ARHGEF10L: variants seen among roughly 807,000 people sequenced by gnomAD.
The protein encoded by ARHGEF10L is rho guanine nucleotide exchange factor 10-like protein.
Under a neutral mutation model 141.2 loss-of-function variants are expected in ARHGEF10L, and 69 were observed. The ratio of observed to expected loss-of-function variants is 0.49; its 90% CI spans 0.40 to 0.60. The LOEUF is 0.60. Among genes scored for constraint, ARHGEF10L ranks in the 20% least tolerant of loss-of-function variants. The probability of loss-of-function intolerance (pLI) is 0.00; values close to 1 mark genes in which losing one functional copy is unlikely to be tolerated. For missense variants in ARHGEF10L, 1,482 were observed against 1,734.3 expected, an observed-to-expected ratio of 0.85 and a Z score of 2.58; for synonymous variants, 711 against 718.5, an observed-to-expected ratio of 0.99 and a Z score of 0.17.
intron 21 of ARHGEF10L, among the ~76,000 whole-genome samples, chr1:17,642,395 C>T (rs568201875): frequency 1.9e-4 from 29 of 152,240 alleles, no homozygotes; most frequent in Admixed American, 9.8e-4. Context: ...GGGTGTGTTG[C>T]GGGCAGGTTT....
In ARHGEF10L at chr1:17,625,788, C is replaced by T. The variant is rs1307425065; in HGVS notation, c.1318-168C>T. 6.6e-6 allele frequency among the ~76,000 whole-genome samples: 1 copy of T among 152,100 alleles called. No homozygotes were observed. Among genetic ancestry groups the T allele is most frequent in the Non-Finnish European group, 1.5e-5 (1 of 68,018 alleles). The stretch of plus-strand genomic sequence containing the variant: ...CAGGGGCACTGGTGGGAGAGGGATC[C>T]CTGGCTGCAGAACCACGGACCTCTC... On this transcript the variant is annotated intron_variant, in intron 13 of 28. Transcript: ENST00000361221. The surrounding 1 kb of genome is among the most constrained non-coding windows in gnomAD (Gnocchi z 4.5).
At chr1:17,538,401 A>G (rs946682901), upstream of ARHGEF10L, among the ~76,000 whole-genome samples, 1 of 152,198 alleles carries the variant, frequency 6.6e-6, no homozygotes, top group Non-Finnish European at 1.5e-5. Context: ...TGCTCAAAGA[A>G]TATCTCCTGC....
intron 22 of ARHGEF10L, among the ~76,000 whole-genome samples, chr1:17,653,661 A>C (rs1022665464): frequency 6.6e-6 from 1 of 152,252 alleles, no homozygotes; most frequent in African/African-American, 2.4e-5. Flanking sequence ...GGGGCCCCAG[A>C]GTGCCAAGGC....
At chr1:17,677,815 G>T (rs949809081) in intron 26 of ARHGEF10L, among the ~76,000 whole-genome samples, 1 of 152,206 alleles carries the variant, frequency 6.6e-6, no homozygotes, top group African/African-American at 2.4e-5. Context: ...GTCTGCCTCC[G>T]GGCCTGTGGG....
intron 1 of ARHGEF10L, among the ~76,000 whole-genome samples, chr1:17,545,472 A>G (rs2076885002): frequency 1.3e-5 from 2 of 152,190 alleles, no homozygotes; most frequent in South Asian, 4.1e-4. Flanking sequence ...AGTTGTTACC[A>G]TGCACCAGGA....
chr1:17,676,089 C>T (rs1200712088), intron 26 of ARHGEF10L, among the ~76,000 whole-genome samples: 4 of 130,132 alleles, frequency 3.1e-5, no homozygotes, highest in South Asian at 2.6e-4. Flanking sequence ...GGCATGGGTG[C>T]GGGTGTAGGT....
the ARHGEF10L span, among the ~76,000 whole-genome samples, chr1:17,516,403 C>G: frequency 2.0e-5 from 3 of 152,364 alleles, no homozygotes; most frequent in Admixed American, 2.0e-4. Flanking sequence ...TCCCTCCCCT[C>G]TACAGGGCCA....
At chr1:17,657,271 G>A (rs938548423) in intron 25 of ARHGEF10L, among the ~76,000 whole-genome samples, 2 of 152,218 alleles carry the variant, frequency 1.3e-5, no homozygotes, top group African/African-American at 4.8e-5. Context: ...TGTGCTCCAG[G>A]GCAGGGGTAA....
At chr1:17,598,972 A>G (rs1196647540) in intron 4 of ARHGEF10L, among the ~76,000 whole-genome samples, 2 of 152,138 alleles carry the variant, frequency 1.3e-5, no homozygotes, top group Non-Finnish European at 2.9e-5. Context: ...TTTCTGGGTA[A>G]TTGAAACTTT....
At chr1:17,626,749 A>G (rs990578515) in intron 14 of ARHGEF10L, among the ~76,000 whole-genome samples, 1 of 152,234 alleles carries the variant, frequency 6.6e-6, no homozygotes, top group Admixed American at 6.5e-5. Context: ...AACTCTGCCC[A>G]TTCAACAACT....
At chr1:17,548,802 C>T (rs2077009068) in intron 1 of ARHGEF10L, among the ~76,000 whole-genome samples, 1 of 150,776 alleles carries the variant, frequency 6.6e-6, no homozygotes, top group South Asian at 2.1e-4. Context: ...GTGCGCACCA[C>T]CACACTCAGC....
intron 7 of ARHGEF10L, among the ~76,000 whole-genome samples, chr1:17,609,181 C>T (rs1460074876): frequency 1.3e-5 from 2 of 152,202 alleles, no homozygotes; most frequent in African/African-American, 4.8e-5. Context: ...TTTCCCAGTG[C>T]CTCCCACCTT....
intron 12 of ARHGEF10L, among the ~76,000 whole-genome samples, chr1:17,624,107 G>A (rs931910933): frequency 5.3e-5 from 8 of 152,200 alleles, no homozygotes; most frequent in African/African-American, 1.2e-4. Flanking sequence ...CTGCACTGGG[G>A]ATGGAGACCT....
chr1:17,527,870 CTTTTTT>C, the ARHGEF10L span, among the ~76,000 whole-genome samples: 1 of 20,982 alleles, frequency 4.8e-5, no homozygotes, highest in Non-Finnish European at 1.6e-4. Flanking sequence ...TCTTTCTTTT[CTTTTTT>C]TTTTTTTTTT....
At chr1:17,657,201 C>A (rs1251149604) in intron 25 of ARHGEF10L, among the ~76,000 whole-genome samples, 1 of 152,138 alleles carries the variant, frequency 6.6e-6, no homozygotes, top group African/African-American at 2.4e-5. Flanking sequence ...TTGAGCCATC[C>A]CTAGCACAGG....
At chr1:17,612,406 A>T (rs1352128202) in intron 7 of ARHGEF10L, among the ~76,000 whole-genome samples, 2 of 152,084 alleles carry the variant, frequency 1.3e-5, no homozygotes, top group Non-Finnish European at 2.9e-5. Flanking sequence ...ATAGTCACCT[A>T]ACCAAATTTA....
At chr1:17,695,313 A>G in intron 28 of ARHGEF10L, 33 bp downstream of exon 28, 1 of 1,545,862 alleles carries the variant, frequency 6.5e-7, no homozygotes, top group Non-Finnish European at 8.7e-7. Context: ...TGGCAGGACC[A>G]GGGGGTCAGC....
At chr1:17,533,916 A>G in the ARHGEF10L span, among the ~76,000 whole-genome samples, 13 of 151,948 alleles carry the variant, frequency 8.6e-5, no homozygotes, top group African/African-American at 2.7e-4. Context: ...CGAGGCCGGT[A>G]TCCAGACTCG....
chr1:17,541,368 C>T (rs563181272), intron 1 of ARHGEF10L, among the ~76,000 whole-genome samples: 1 of 152,346 alleles, frequency 6.6e-6, no homozygotes, highest in Non-Finnish European at 1.5e-5. Flanking sequence ...TGTCCTTGAT[C>T]ACAGCTCAGA....
Sources: allele counts gnomAD v4.1 joint callset (sites outside exome capture counted in the v4.1 genomes callset), GRCh38; gene constraint gnomAD v4.1.1; non-coding constraint Gnocchi (gnomAD v3.1); transcripts MANE v1.5; gene names NCBI Gene and HGNC (gene_info 2026-07-23, HGNC 2026-07-21).